Variants in TMTC2 observed in about 807,000 individuals in gnomAD.
TMTC2 encodes the protein protein O-mannosyl-transferase TMTC2.
In TMTC2, 43 loss-of-function variants were observed where a neutral mutation model predicts 82.4. The ratio of observed to expected loss-of-function variants is 0.52; its 90% CI spans 0.41 to 0.67. The LOEUF (loss-of-function observed/expected upper bound fraction) is 0.67, where lower values mean the gene tolerates loss of function less well. Among genes scored for constraint, TMTC2 ranks in the 30% least tolerant of loss-of-function variants. The pLI is 0.00. For missense variants in TMTC2, 919 were observed against 1,012.4 expected (o/e 0.91, Z 1.25); for synonymous variants, 408 against 381.9 (o/e 1.07, Z -0.80).
chr12:82,965,248 T>C (rs1004376501), intron 5 of TMTC2, 139 bp downstream of exon 5: 1 of 674,590 alleles, frequency 1.5e-6, no homozygotes, highest in Non-Finnish European at 2.5e-6. Context: ...CCTCTAACAA[T>C]TATATCTCAA....
intron 4 of TMTC2, among the ~76,000 whole-genome samples, chr12:82,951,442 C>T (rs536413030): frequency 2.0e-3 from 297 of 152,194 alleles, no homozygotes; most frequent in Non-Finnish European, 3.7e-3. Context: ...AGGCACATGC[C>T]GCCACGCCCA....
intron 1 of TMTC2, among the ~76,000 whole-genome samples, chr12:82,746,676 G>A (rs772393178): frequency 1.3e-5 from 2 of 152,170 alleles, no homozygotes; most frequent in Non-Finnish European, 2.9e-5. Flanking sequence ...AAATCAGTTG[G>A]CCTTAAGATA....
intron 9 of TMTC2, among the ~76,000 whole-genome samples, chr12:83,032,470 TC>T (rs1273856374): frequency 1.3e-5 from 2 of 151,608 alleles, no homozygotes; most frequent in African/African-American, 4.8e-5. Context: ...AATATTTTTT[TC>T]CAGTGGTGAT....
intron 1 of TMTC2, among the ~76,000 whole-genome samples, chr12:82,698,201 A>T (rs1342871557): frequency 2.5e-4 from 38 of 152,214 alleles, no homozygotes; most frequent in Non-Finnish European, 2.9e-5. Context: ...AATGAGTTAT[A>T]CTTTTTCCTT....
chr12:82,894,183 A>G (rs1873537932), intron 2 of TMTC2, among the ~76,000 whole-genome samples: 1 of 152,224 alleles, frequency 6.6e-6, no homozygotes. Context: ...ATCTAAGTGA[A>G]TATGCCCAGT....
At chr12:83,056,543 A>C (rs1460362907) in intron 10 of TMTC2, among the ~76,000 whole-genome samples, 1 of 151,962 alleles carries the variant, frequency 6.6e-6, no homozygotes, top group African/African-American at 2.4e-5. Context: ...AGTCACATAA[A>C]ATTTAAATTC....
At chr12:83,004,234 T>C (rs1880052688) in intron 8 of TMTC2, among the ~76,000 whole-genome samples, 1 of 152,214 alleles carries the variant, frequency 6.6e-6, no homozygotes, top group Non-Finnish European at 1.5e-5. Context: ...TTTTTTGGTT[T>C]AGTTCTTTCT....
At chr12:82,709,430 T>C (rs1873524459) in intron 1 of TMTC2, among the ~76,000 whole-genome samples, 4 of 152,230 alleles carry the variant, frequency 2.6e-5, no homozygotes, top group Admixed American at 2.0e-4. Flanking sequence ...TGATTTTTAA[T>C]AGTGAATTTG....
intron 11 of TMTC2, among the ~76,000 whole-genome samples, chr12:83,116,511 A>G (rs958031040): frequency 2.0e-5 from 3 of 152,210 alleles, no homozygotes; most frequent in Admixed American, 6.5e-5. Context: ...AGGAATCTCC[A>G]CACTGTTTTC....
intron 9 of TMTC2, among the ~76,000 whole-genome samples, chr12:83,040,068 C>A (rs973731559): frequency 6.6e-6 from 1 of 152,220 alleles, no homozygotes; most frequent in Non-Finnish European, 1.5e-5. Flanking sequence ...GCACTGGGCA[C>A]TTTTCTGCAT....
At chr12:82,722,666 TG>T (rs1874270651) in intron 1 of TMTC2, among the ~76,000 whole-genome samples, 1 of 150,896 alleles carries the variant, frequency 6.6e-6, no homozygotes, top group Admixed American at 6.6e-5. Context: ...CACTTGAACC[TG>T]GGAGGCAGAG....
chr12:82,802,288 C>T (rs563248304), intron 1 of TMTC2, among the ~76,000 whole-genome samples: 10 of 152,330 alleles, frequency 6.6e-5, no homozygotes, highest in Middle Eastern at 3.4e-3. Context: ...GCTGAGCCCA[C>T]GCCCACCCGT....
intron 11 of TMTC2, among the ~76,000 whole-genome samples, chr12:83,109,403 A>G (rs534795546): frequency 6.6e-5 from 10 of 152,340 alleles, no homozygotes; most frequent in African/African-American, 2.4e-4. Context: ...ACTGGGAATT[A>G]CAATTAGACA....
At chr12:82,759,319 A>G (rs1876491943) in intron 1 of TMTC2, 1 of 152,218 alleles carries the variant, frequency 6.6e-6, no homozygotes, top group Admixed American at 6.5e-5. Flanking sequence ...TTAATACTTC[A>G]TTACATAAAA....
intron 11 of TMTC2, among the ~76,000 whole-genome samples, chr12:83,092,023 G>T (rs1451895535): frequency 1.3e-5 from 2 of 152,188 alleles, no homozygotes; most frequent in African/African-American, 4.8e-5. Context: ...GGAAGGGGGT[G>T]AGAGAGTAAG....
At position 82,873,213 on chromosome 12, in the gene TMTC2, T is replaced by G. The variant is rs867039194; in HGVS notation, c.654+15633T>G. 3.2e-4 allele frequency among the ~76,000 whole-genome samples: 46 copies of G among 143,634 alleles called. 1 individual carries two copies. The highest frequency in any genetic ancestry group is 9.7e-4 in the African/African-American group (37 of 38,178). 94.2% of individuals were successfully genotyped at this position (143,634 alleles called of 152,430 possible). ...GGATTTTGGCCCTGTTTCAAAGATGTTGTGTGTGTGTGTGTGTGTGTGTGT... is the reference window on the plus strand; with the variant it reads ...GGATTTTGGCCCTGTTTCAAAGATGGTGTGTGTGTGTGTGTGTGTGTGTGT... On this transcript the variant is annotated intron_variant, in intron 2 of 11. Coordinates refer to ENST00000321196, the MANE Select transcript of TMTC2 (RefSeq NM_152588.3).
At chr12:82,844,746 G>A (rs544449286) in intron 1 of TMTC2, among the ~76,000 whole-genome samples, 1 of 151,380 alleles carries the variant, frequency 6.6e-6, no homozygotes, top group South Asian at 2.1e-4. Context: ...AGCTTGCAGT[G>A]AGCCGAGATC....
intron 8 of TMTC2, among the ~76,000 whole-genome samples, chr12:83,015,674 G>A (rs1192985095): frequency 1.3e-5 from 2 of 152,142 alleles, no homozygotes; most frequent in African/African-American, 2.4e-5. Context: ...TTTCCTGTAA[G>A]TGGCCCACAT....
At chr12:82,806,242 T>C (rs1879235460) in intron 1 of TMTC2, among the ~76,000 whole-genome samples, 1 of 152,150 alleles carries the variant, frequency 6.6e-6, no homozygotes, top group Non-Finnish European at 1.5e-5. Context: ...CTGCCAACTC[T>C]GACAGCATTT....
Sources: gnomAD v4.1 joint callset for allele counts (sites outside exome capture counted in the v4.1 genomes callset) on GRCh38, gnomAD v4.1.1 for gene constraint, MANE v1.5 for transcripts, NCBI Gene and HGNC (gene_info 2026-07-23, HGNC 2026-07-21) for gene names.